TG: variants seen among roughly 807,000 people sequenced by gnomAD.
The protein encoded by TG is thyroglobulin.
In TG, 270 loss-of-function variants were observed where a neutral mutation model predicts 324.7. The ratio of observed to expected loss-of-function variants is 0.83; its 90% CI spans 0.75 to 0.92. TG has a LOEUF of 0.92. TG is among the 40% of genes least tolerant of loss of function. The pLI, the probability that TG is intolerant of heterozygous loss-of-function variation, is 0.00. For missense variants in TG, 3,591 were observed against 3,456.4 expected (o/e 1.04, Z -0.98); for synonymous variants, 1,401 against 1,327.0 (o/e 1.06, Z -1.21).
At chr8:132,877,436 C>T (rs1424016092) in intron 5 of TG, among the ~76,000 whole-genome samples, 1 of 152,050 alleles carries the variant, frequency 6.6e-6, no homozygotes, top group Non-Finnish European at 1.5e-5. Context: ...ATGCCCGGTA[C>T]GGCCCGCTCT....
chr8:133,001,873 G>A lies in TG; in HGVS notation c.6263-10028G>A, dbSNP rs889616371. The A allele has an allele frequency of 1.1e-5, 11 of 985,436 alleles. No homozygotes were observed. In the East Asian group the frequency reaches 3.4e-4, roughly 30 times the overall value. 61.0% of individuals were successfully genotyped at this position (985,436 alleles called of 1,614,324 possible). A position where few individuals can be genotyped will look rare whatever the true frequency, so the allele number is the denominator to read the frequency against. ...GCCAGCCTGTGCAGGTGTGGAAACC[G>A]CCTCTTCTATTTCCCAGCTATTCCA... On this transcript the variant is annotated intron_variant, in intron 35 of 47. Coordinates refer to ENST00000220616, the MANE Select transcript of TG (RefSeq NM_003235.5).
Position 132,909,586 on chromosome 8 carries a change from G to A in TG, c.4002+1246G>A, listed in dbSNP as rs115702147. ...TTCTAAGGTCAGAGCTTCTAAGAAGGGAGTCTTATTCTTCAGAAGGAGGAG... is the reference window on the plus strand; with the variant it reads ...TTCTAAGGTCAGAGCTTCTAAGAAGAGAGTCTTATTCTTCAGAAGGAGGAG... On this transcript the variant is annotated intron_variant, in intron 18 of 47. Coordinates refer to ENST00000220616, the MANE Select transcript of TG (RefSeq NM_003235.5). Among the ~76,000 whole-genome samples, 1,220 of 152,214 alleles carry A rather than the reference G, an allele frequency of 8.0e-3. 12 individuals are homozygous for A. Among genetic ancestry groups the A allele is most frequent in the African/African-American group, 0.028 (1,173 of 41,524 alleles).
rs1262065592 is a variant in TG at position 132,901,540 on chromosome 8, G to A, written c.3621G>A (p.Gln1207=). Residue 1207 remains glutamine (Q), a synonymous_variant, in exon 16 of 48, where the codon CAG becomes CAA. Transcript: ENST00000220616. ...CTGGGACGCGCGTGACCGGGGGCCA[G>A]CCCGCCTGTGAGAGTAAGTCATGAC... ...EVPGTRVTGG[Q]PACESPRCPL... The A allele has an allele frequency of 6.2e-7, 1 of 1,613,116 alleles. No homozygotes were observed.
chr8:133,035,611 T>C (rs1837032145), intron 41 of TG, among the ~76,000 whole-genome samples: 2 of 152,260 alleles, frequency 1.3e-5, no homozygotes, highest in Admixed American at 1.3e-4. Flanking sequence ...ATTCTGAAAC[T>C]ATATCATCCC....
intron 27 of TG, among the ~76,000 whole-genome samples, chr8:132,956,869 G>A (rs1205634308): frequency 2.0e-5 from 3 of 152,074 alleles, no homozygotes; most frequent in African/African-American, 7.2e-5. Context: ...CTGAGAGGAA[G>A]GGTTTGGAGG....
At chr8:132,868,002 T>C in intron 1 of TG, 113 bp from the exon 2 acceptor site, 1 of 909,876 alleles carries the variant, frequency 1.1e-6, no homozygotes, top group South Asian at 1.4e-5. Flanking sequence ...TAAAATAGGC[T>C]GTCATAGGTA....
intron 26 of TG, among the ~76,000 whole-genome samples, chr8:132,948,315 G>A (rs139357274): frequency 2.6e-4 from 40 of 151,878 alleles, no homozygotes; most frequent in African/African-American, 8.4e-4. Context: ...GAGTGAGAGC[G>A]AGAGCGAGAG....
intron 41 of TG, among the ~76,000 whole-genome samples, chr8:133,090,281 C>T (rs1277064529): frequency 2.6e-5 from 4 of 152,236 alleles, no homozygotes; most frequent in African/African-American, 9.6e-5. Context: ...TGGTTTCTCC[C>T]AGGAGAAGCA....
intron 43 of TG, among the ~76,000 whole-genome samples, chr8:133,111,197 T>C (rs947724404): frequency 1.3e-5 from 2 of 152,136 alleles, no homozygotes; most frequent in African/African-American, 4.8e-5. Context: ...TGTGGGGTCC[T>C]GCTTAAGTTA....
chr8:132,959,232 A>T (rs1360428007), intron 27 of TG, among the ~76,000 whole-genome samples: 2 of 152,176 alleles, frequency 1.3e-5, no homozygotes, highest in African/African-American at 4.8e-5. Context: ...TTCAGTTCAC[A>T]CCTCTTTAAA....
At chr8:133,040,199 G>C in intron 41 of TG, 1 of 1,515,494 alleles carries the variant, frequency 6.6e-7, no homozygotes, top group Non-Finnish European at 8.9e-7. Flanking sequence ...GTTCAGGCCT[G>C]AGACACTCTC....
At chr8:132,972,369 C>A (rs1402163228) in intron 33 of TG, 3 of 589,824 alleles carry the variant, frequency 5.1e-6, no homozygotes, top group Non-Finnish European at 8.9e-6. Flanking sequence ...GCCCTAAGCA[C>A]ATGTTAGGTG....
At chr8:132,934,453 T>A (rs1823262030) in intron 24 of TG, among the ~76,000 whole-genome samples, 1 of 152,236 alleles carries the variant, frequency 6.6e-6, no homozygotes, top group South Asian at 2.1e-4. Flanking sequence ...CAGTTTCATG[T>A]GGTACCATCA....
intron 27 of TG, among the ~76,000 whole-genome samples, chr8:132,955,955 A>G (rs1826801854): frequency 6.6e-6 from 1 of 152,340 alleles, no homozygotes; most frequent in East Asian, 1.9e-4. Flanking sequence ...TCACAGGGGC[A>G]GCGACCCTGA....
At chr8:132,932,049 G>T (rs375002732) in intron 23 of TG, among the ~76,000 whole-genome samples, 2 of 152,130 alleles carry the variant, frequency 1.3e-5, no homozygotes, top group African/African-American at 2.4e-5. Context: ...AGCCAAGATC[G>T]TGCTAATGCA....
chr8:132,981,085 T>C (rs1830782558), intron 34 of TG, among the ~76,000 whole-genome samples: 1 of 152,192 alleles, frequency 6.6e-6, no homozygotes, highest in Non-Finnish European at 1.5e-5. Flanking sequence ...TTCTCAGGGC[T>C]CATCTCAGTC....
intron 41 of TG, 38 bp downstream of exon 41, chr8:133,030,061 A>G (rs1395916942): frequency 1.2e-6 from 2 of 1,612,884 alleles, no homozygotes; most frequent in Admixed American, 1.7e-5. Flanking sequence ...CTTACTGCAG[A>G]TGCGGCTGGG....
intron 21 of TG, among the ~76,000 whole-genome samples, chr8:132,920,525 A>G (rs1820954170): frequency 1.3e-5 from 2 of 152,224 alleles, no homozygotes; most frequent in South Asian, 4.1e-4. Context: ...CTTCACTGGG[A>G]AAATAGAGTG....
At chr8:133,047,708 C>T (rs1839699745) in intron 41 of TG, 2 of 722,028 alleles carry the variant, frequency 2.8e-6, no homozygotes, top group Non-Finnish European at 5.1e-6. Context: ...GGGAGCTTAA[C>T]TACATTGGAT....
Sources: allele counts gnomAD v4.1 joint callset (sites outside exome capture counted in the v4.1 genomes callset), GRCh38; gene constraint gnomAD v4.1.1; transcripts MANE v1.5; gene names NCBI Gene and HGNC (gene_info 2026-07-23, HGNC 2026-07-21).